Variants in FRMD6 observed in about 807,000 individuals in gnomAD.
FRMD6 encodes FERM domain containing 6, also known as FERM domain-containing protein 6.
FRMD6 carries 37 observed loss-of-function variants against 73.2 expected under a neutral mutation model. That is an observed-to-expected ratio of 0.51 (90% CI 0.39 to 0.66). The LOEUF (loss-of-function observed/expected upper bound fraction) is 0.66, where lower values mean the gene tolerates loss of function less well. Among genes scored for constraint, FRMD6 ranks in the 30% least tolerant of loss-of-function variants. The pLI is 0.00. For missense variants in FRMD6, 714 were observed against 780.5 expected, an observed-to-expected ratio of 0.91 and a Z score of 1.02; for synonymous variants, 273 against 282.2, an observed-to-expected ratio of 0.97 and a Z score of 0.33.
chr14:51,721,501 T>C (rs185098348), intron 11 of FRMD6, among the ~76,000 whole-genome samples: 302 of 152,164 alleles, frequency 2.0e-3, no homozygotes, highest in African/African-American at 6.6e-3. Context: ...TCCCAGCTAC[T>C]CGGGAGGCTG....
intron 1 of FRMD6, chr14:51,554,781 A>G (rs1204787588): frequency 6.6e-6 from 1 of 152,244 alleles, no homozygotes; most frequent in Non-Finnish European, 1.5e-5. Flanking sequence ...CCAAAATGGA[A>G]TCCGAGACAG....
chr14:51,428,878 T>C, the FRMD6 span, among the ~76,000 whole-genome samples: 1 of 151,052 alleles, frequency 6.6e-6, no homozygotes, highest in Non-Finnish European at 1.5e-5. Flanking sequence ...CTTTGCCATA[T>C]GTGAAGACTA....
At chr14:51,548,230 G>A (rs1277209268) in intron 1 of FRMD6, among the ~76,000 whole-genome samples, 3 of 152,156 alleles carry the variant, frequency 2.0e-5, no homozygotes, top group South Asian at 2.1e-4. Context: ...AAATTTAAAA[G>A]AGGCATTGCC....
chr14:51,694,487 T>C (rs1895811772), intron 2 of FRMD6, among the ~76,000 whole-genome samples: 1 of 152,110 alleles, frequency 6.6e-6, no homozygotes, highest in African/African-American at 2.4e-5. Flanking sequence ...GTTAGGAGAT[T>C]GAGACCAGGC....
the FRMD6 span, among the ~76,000 whole-genome samples, chr14:51,462,312 C>T: frequency 1.3e-5 from 2 of 152,256 alleles, no homozygotes; most frequent in Admixed American, 6.5e-5. Flanking sequence ...ATACCTGCCT[C>T]GGGGGGTTGT....
At chr14:51,414,920 A>G in the FRMD6 span, among the ~76,000 whole-genome samples, 30 of 152,240 alleles carry the variant, frequency 2.0e-4, no homozygotes, top group East Asian at 5.6e-3. Context: ...GCAATTGTGA[A>G]TGGGAGTTCA....
chr14:51,448,551 AG>A, the FRMD6 span, among the ~76,000 whole-genome samples: 1 of 152,196 alleles, frequency 6.6e-6, no homozygotes, highest in Non-Finnish European at 1.5e-5. Flanking sequence ...GTGTAATCCG[AG>A]GTAGAAATAT....
chr14:51,603,028 A>C (rs891569595), intron 2 of FRMD6, among the ~76,000 whole-genome samples: 1 of 152,142 alleles, frequency 6.6e-6, no homozygotes, highest in Non-Finnish European at 1.5e-5. Context: ...GGTTTTTAGG[A>C]AGTGATTAAG....
upstream of FRMD6, among the ~76,000 whole-genome samples, chr14:51,647,955 A>G (rs532279298): frequency 5.3e-5 from 8 of 152,208 alleles, no homozygotes; most frequent in East Asian, 1.5e-3. Flanking sequence ...CCTCCTGAGT[A>G]GCTGGGATTA....
At chr14:51,584,624 A>G (rs529886976) in intron 2 of FRMD6, among the ~76,000 whole-genome samples, 17 of 152,252 alleles carry the variant, frequency 1.1e-4, no homozygotes, top group African/African-American at 4.1e-4. Context: ...TTTTTCCATT[A>G]ATCAGTTGCC....
chr14:51,513,113 C>T (rs1207091695), intron 1 of FRMD6, among the ~76,000 whole-genome samples: 1 of 152,180 alleles, frequency 6.6e-6, no homozygotes, highest in African/African-American at 2.4e-5. Context: ...TCCCAGAGTG[C>T]CCCACCCTCA....
At chr14:51,519,906 T>C (rs1295468678) in intron 1 of FRMD6, among the ~76,000 whole-genome samples, 3 of 152,198 alleles carry the variant, frequency 2.0e-5, no homozygotes, top group Non-Finnish European at 4.4e-5. Context: ...GATTTGGCAC[T>C]GAATTTTAAG....
chr14:51,403,061 G>A, the FRMD6 span, among the ~76,000 whole-genome samples: 8 of 152,214 alleles, frequency 5.3e-5, no homozygotes, highest in Non-Finnish European at 8.8e-5. Context: ...GAAATTCTCC[G>A]GTAGAAATTC....
chr14:51,679,184 T>TA (rs2140291144), intron 1 of FRMD6, among the ~76,000 whole-genome samples: 2 of 152,122 alleles, frequency 1.3e-5, no homozygotes, highest in South Asian at 4.1e-4. Context: ...AGAGAACATT[T>TA]AAAAATTTAG....
At chr14:51,477,737 C>CTTTTTTTTTTTTTT in the FRMD6 span, among the ~76,000 whole-genome samples, 1 of 134,172 alleles carries the variant, frequency 7.5e-6, no homozygotes, top group African/African-American at 2.8e-5. Flanking sequence ...TTTTCTTTTT[C>CTTTTTTTTTTTTTT]TTTTTTTTTT....
At chr14:51,402,101 A>G in the FRMD6 span, among the ~76,000 whole-genome samples, 1 of 152,232 alleles carries the variant, frequency 6.6e-6, no homozygotes, top group African/African-American at 2.4e-5. Context: ...GGGATTTTTG[A>G]TATACTATTG....
chr14:51,537,007 CTG>C (rs1329950864), intron 1 of FRMD6, among the ~76,000 whole-genome samples: 1 of 152,084 alleles, frequency 6.6e-6, no homozygotes, highest in Non-Finnish European at 1.5e-5. Flanking sequence ...TTGGTTAAGA[CTG>C]ATAAATCTAC....
At chr14:51,441,864 A>T in the FRMD6 span, among the ~76,000 whole-genome samples, 1 of 152,250 alleles carries the variant, frequency 6.6e-6, no homozygotes, top group Admixed American at 6.5e-5. Flanking sequence ...ATATGCAGTG[A>T]CATTAAATGT....
the FRMD6 span, among the ~76,000 whole-genome samples, chr14:51,477,748 T>C: frequency 1.2e-3 from 184 of 147,632 alleles, no homozygotes; most frequent in African/African-American, 4.5e-3. Flanking sequence ...TTTTTTTTTT[T>C]TTTTTTTTGG....
Sources: gnomAD v4.1 joint callset for allele counts (sites outside exome capture counted in the v4.1 genomes callset) on GRCh38, gnomAD v4.1.1 for gene constraint, MANE v1.5 for transcripts, NCBI Gene and HGNC (gene_info 2026-07-23, HGNC 2026-07-21) for gene names.